Variants in SYNDIG1 observed in about 807,000 individuals in gnomAD.
SYNDIG1 encodes the protein synapse differentiation-inducing gene protein 1.
Under a neutral mutation model 19.4 loss-of-function variants are expected in SYNDIG1, and 9 were observed. That is an observed-to-expected ratio of 0.46 (90% CI 0.28 to 0.81). The LOEUF is 0.81. Among genes scored for constraint, SYNDIG1 ranks in the 30% least tolerant of loss-of-function variants. The pLI is 0.12. For missense variants in SYNDIG1, 311 were observed against 343.3 expected (o/e 0.91, Z 0.74); for synonymous variants, 141 against 145.9 (o/e 0.97, Z 0.24).
intron 1 of SYNDIG1, among the ~76,000 whole-genome samples, chr20:24,516,390 C>T (rs4283490): frequency 0.74 from 113,106 of 152,152 alleles, 42,260 homozygotes; most frequent in African/African-American, 0.82. Context: ...TCAGAGTGAA[C>T]AGGCAACCTA....
intron 2 of SYNDIG1, among the ~76,000 whole-genome samples, chr20:24,577,938 T>G (rs1432231963): frequency 2.0e-5 from 3 of 152,098 alleles, no homozygotes; most frequent in Admixed American, 2.0e-4. Context: ...CAAAGGAAGG[T>G]GGAGCTGCTG....
intron 1 of SYNDIG1, among the ~76,000 whole-genome samples, chr20:24,515,513 C>T (rs1384141964): frequency 6.6e-6 from 1 of 151,924 alleles, no homozygotes; most frequent in Admixed American, 6.6e-5. Context: ...AATCAATGTG[C>T]AAAAATCACA....
intron 1 of SYNDIG1, among the ~76,000 whole-genome samples, chr20:24,482,661 G>A (rs1417413926): frequency 6.6e-6 from 1 of 152,164 alleles, no homozygotes; most frequent in Non-Finnish European, 1.5e-5. Context: ...AAAACTAAAT[G>A]CCTGTCAAAA....
chr20:24,576,921 TC>T (rs1451374662), intron 2 of SYNDIG1, among the ~76,000 whole-genome samples: 4 of 152,302 alleles, frequency 2.6e-5, no homozygotes, highest in Non-Finnish European at 5.9e-5. Context: ...AACAACCTGC[TC>T]AGCAGACAAG....
chr20:24,609,507 C>G (rs376536335), intron 3 of SYNDIG1, among the ~76,000 whole-genome samples: 1 of 152,148 alleles, frequency 6.6e-6, no homozygotes, highest in African/African-American at 2.4e-5. Flanking sequence ...CACTCAAGCA[C>G]ACACAGGAGC....
intron 2 of SYNDIG1, among the ~76,000 whole-genome samples, chr20:24,557,591 G>A (rs1249890917): frequency 3.3e-5 from 5 of 152,178 alleles, no homozygotes; most frequent in African/African-American, 4.8e-5. Flanking sequence ...GTTTGCCTGG[G>A]TATCAGCAGC....
intron 3 of SYNDIG1, among the ~76,000 whole-genome samples, chr20:24,627,878 G>C (rs1205012747): frequency 6.6e-6 from 1 of 152,272 alleles, no homozygotes; most frequent in African/African-American, 2.4e-5. Flanking sequence ...AGAATCAAGT[G>C]CTCAGTCACT....
intron 1 of SYNDIG1, among the ~76,000 whole-genome samples, chr20:24,487,062 C>T (rs2055987116): frequency 1.4e-5 from 2 of 140,516 alleles, no homozygotes; most frequent in Admixed American, 7.1e-5. Flanking sequence ...GGGAGAGGGT[C>T]GGTGGATGTG....
At chr20:24,655,056 G>T (rs537704251) in intron 3 of SYNDIG1, among the ~76,000 whole-genome samples, 11 of 152,190 alleles carry the variant, frequency 7.2e-5, no homozygotes, top group Non-Finnish European at 1.5e-4. Context: ...CTGAGACAAG[G>T]CCTGGGGTCT....
intron 2 of SYNDIG1, among the ~76,000 whole-genome samples, chr20:24,576,496 C>G (rs977211126): frequency 2.6e-5 from 4 of 152,150 alleles, no homozygotes. Context: ...TCGGGGGGCA[C>G]GTGCCCCTGG....
intron 1 of SYNDIG1, among the ~76,000 whole-genome samples, chr20:24,504,927 G>A (rs769498240): frequency 7.2e-5 from 11 of 152,214 alleles, no homozygotes; most frequent in Admixed American, 3.3e-4. Context: ...CTAGGAAATC[G>A]TTGAAGTGGC....
chr20:24,613,823 T>A (rs558440016), intron 3 of SYNDIG1, among the ~76,000 whole-genome samples: 34 of 152,274 alleles, frequency 2.2e-4, no homozygotes, highest in Non-Finnish European at 4.6e-4. Flanking sequence ...ATTTGGAGCC[T>A]GAATTTTCTT....
chr20:24,500,856 A>T (rs753609160), intron 1 of SYNDIG1, among the ~76,000 whole-genome samples: 1 of 152,206 alleles, frequency 6.6e-6, no homozygotes, highest in South Asian at 2.1e-4. Context: ...TTCCTCATAA[A>T]GCAAAATAAA....
chr20:24,552,454 C>T (rs1048563224), intron 2 of SYNDIG1, among the ~76,000 whole-genome samples: 3 of 152,060 alleles, frequency 2.0e-5, no homozygotes, highest in African/African-American at 7.2e-5. Flanking sequence ...CTATCCCTCC[C>T]CCATCCCCTC....
At chr20:24,598,503 G>A (rs2058630260) in intron 3 of SYNDIG1, among the ~76,000 whole-genome samples, 1 of 152,216 alleles carries the variant, frequency 6.6e-6, no homozygotes, top group Admixed American at 6.5e-5. Context: ...GAGGAAGTCA[G>A]CACCCAGCAA....
chr20:24,529,694 G>C (rs1340534216), intron 1 of SYNDIG1, among the ~76,000 whole-genome samples: 1 of 152,026 alleles, frequency 6.6e-6, no homozygotes, highest in Non-Finnish European at 1.5e-5. Flanking sequence ...TTTGTTCTGT[G>C]GCCTTGATTT....
At chr20:24,496,087 A>T (rs2056297948) in intron 1 of SYNDIG1, among the ~76,000 whole-genome samples, 1 of 152,082 alleles carries the variant, frequency 6.6e-6, no homozygotes, top group South Asian at 2.1e-4. Flanking sequence ...CCTCGTGATC[A>T]GCCCGCCTCG....
intron 3 of SYNDIG1, chr20:24,596,880 G>C (rs750532579): frequency 6.6e-6 from 1 of 152,282 alleles, no homozygotes; most frequent in Non-Finnish European, 1.5e-5. Flanking sequence ...CCACGTTCGC[G>C]TGTTTAGTCC....
At chr20:24,592,287 C>A (rs1185496162) in intron 3 of SYNDIG1, among the ~76,000 whole-genome samples, 4 of 152,156 alleles carry the variant, frequency 2.6e-5, no homozygotes, top group African/African-American at 9.7e-5. Context: ...TTAAGGGACA[C>A]GACACCATCA....
Sources: gnomAD v4.1 joint callset for allele counts (sites outside exome capture counted in the v4.1 genomes callset) on GRCh38, gnomAD v4.1.1 for gene constraint, MANE v1.5 for transcripts, NCBI Gene and HGNC (gene_info 2026-07-23, HGNC 2026-07-21) for gene names.